The following AHCTF1 variants were observed in gnomAD, a reference collection of about 807,000 sequenced individuals.
AHCTF1 encodes AT-hook containing transcription factor 1, also known as protein ELYS.
AHCTF1 carries 24 observed loss-of-function variants against 248.4 expected under a neutral mutation model. That is an observed-to-expected ratio of 0.10 (90% CI 0.07 to 0.14). The LOEUF is 0.14. Among genes scored for constraint, AHCTF1 ranks in the 10% least tolerant of loss-of-function variants. The pLI, the probability that AHCTF1 is intolerant of heterozygous loss-of-function variation, is 1.00. For synonymous variants in AHCTF1, 786 were observed against 929.8 expected (o/e 0.85, Z 2.81); for missense variants, 2,206 against 2,636.2 (o/e 0.84, Z 3.57).
chr1:246,874,279 C>A (rs1210853411), intron 24 of AHCTF1, among the ~76,000 whole-genome samples: 1 of 152,046 alleles, frequency 6.6e-6, no homozygotes, highest in African/African-American at 2.4e-5. Context: ...AAAGATGACA[C>A]CTAAAGCCAA....
chr1:246,893,236 C>T (rs1480586342), intron 14 of AHCTF1, among the ~76,000 whole-genome samples: 1 of 152,170 alleles, frequency 6.6e-6, no homozygotes, highest in Non-Finnish European at 1.5e-5. Context: ...TTACAGACTT[C>T]AATCACACTG....
intron 15 of AHCTF1, 128 bp downstream of exon 15, chr1:246,891,651 C>A: frequency 1.0e-6 from 1 of 967,316 alleles, no homozygotes; most frequent in Non-Finnish European, 1.5e-6. Flanking sequence ...AAACAAAAAC[C>A]CTAGCACTGG....
chr1:246,930,562 G>A (rs1421680125), intron 1 of AHCTF1, among the ~76,000 whole-genome samples: 1 of 150,174 alleles, frequency 6.7e-6, no homozygotes, highest in African/African-American at 2.5e-5. Context: ...GACTCTATCA[G>A]TGAAAGCTCA....
At position 246,894,729 on chromosome 1, in the gene AHCTF1, A is replaced by C; in HGVS notation, c.1734T>G (p.Thr578=). 1 of 1,613,966 alleles carries C rather than the reference A, an allele frequency of 6.2e-7. No individual in the cohort carries two copies. Among genetic ancestry groups the C allele is most frequent in the South Asian group, 1.1e-5 (1 of 91,074 alleles). Residue 578 remains threonine, a synonymous_variant, in exon 14 of 36, where the codon ACT becomes ACG. Coordinates refer to ENST00000648844, the MANE Select transcript of AHCTF1 (RefSeq NM_001323342.2). ...WITEEQPNSA[T]NLRFVLEWTW... ...TCCATTCAAGAACAAAGCGCAAATT[A>C]GTGGCAGAATTTGGTTGTTCTTATT... is the stretch of plus-strand genomic sequence containing the variant.
chr1:246,860,306 TAA>T (rs1453391849), intron 29 of AHCTF1, among the ~76,000 whole-genome samples: 1 of 152,188 alleles, frequency 6.6e-6, no homozygotes, highest in African/African-American at 2.4e-5. Flanking sequence ...ATTTGTTCTG[TAA>T]AGTTATTTCT....
chr1:246,851,478 T>G, intron 32 of AHCTF1, 36 bp from the exon 33 acceptor site: 1 of 1,537,556 alleles, frequency 6.5e-7, no homozygotes, highest in Non-Finnish European at 8.8e-7. Context: ...GGTTAAAGAA[T>G]TTTAATACAT....
intron 1 of AHCTF1, among the ~76,000 whole-genome samples, chr1:246,921,210 T>C (rs911184309): frequency 2.9e-4 from 44 of 151,874 alleles, no homozygotes; most frequent in African/African-American, 1.0e-3. Context: ...GATGCAAACA[T>C]GACAAAACTA....
intron 29 of AHCTF1, among the ~76,000 whole-genome samples, chr1:246,858,811 AAAAT>A (rs1434908663): frequency 6.6e-6 from 1 of 152,090 alleles, no homozygotes; most frequent in Middle Eastern, 3.2e-3. Context: ...AAAAAAAAAA[AAAAT>A]AAATACAAAT....
At chr1:246,855,160 G>GTTAA (rs988402240) in intron 31 of AHCTF1, among the ~76,000 whole-genome samples, 11 of 152,178 alleles carry the variant, frequency 7.2e-5, no homozygotes, top group Non-Finnish European at 1.3e-4. Context: ...GATTAAATGA[G>GTTAA]TTAATAGACA....
intron 1 of AHCTF1, among the ~76,000 whole-genome samples, chr1:246,924,052 C>T (rs532427201): frequency 6.6e-6 from 1 of 152,302 alleles, no homozygotes; most frequent in African/African-American, 2.4e-5. Flanking sequence ...TTTCTCAGCA[C>T]TCCCCCTCCT....
At chr1:246,882,722 C>T (rs1181920691) in intron 21 of AHCTF1, among the ~76,000 whole-genome samples, 2 of 152,154 alleles carry the variant, frequency 1.3e-5, no homozygotes, top group African/African-American at 4.8e-5. Flanking sequence ...ATGTTAGTAG[C>T]TGAATTATCT....
intron 17 of AHCTF1, among the ~76,000 whole-genome samples, chr1:246,888,835 A>G (rs1664007751): frequency 6.6e-6 from 1 of 152,184 alleles, no homozygotes. Flanking sequence ...GTTGGAGCCC[A>G]GGAGTTTAAA....
chr1:246,895,612 C>G (rs1316132929), intron 13 of AHCTF1, among the ~76,000 whole-genome samples: 1 of 152,066 alleles, frequency 6.6e-6, no homozygotes, highest in East Asian at 1.9e-4. Flanking sequence ...GCTGTAACGG[C>G]AGCATGAGGG....
At position 246,888,262 on chromosome 1, in the gene AHCTF1, T is replaced by G. The variant is rs756596455; in HGVS notation, c.2269-29A>C. ...TAAAACAAAGGGATAAAACCTTCAGTGGATCTTATACAGTCATTCATTCAT... is the reference window on the plus strand; with the variant it reads ...TAAAACAAAGGGATAAAACCTTCAGGGGATCTTATACAGTCATTCATTCAT... On this transcript the variant is annotated intron_variant, in intron 18 of 35. Coordinates refer to ENST00000648844, the MANE Select transcript of AHCTF1 (RefSeq NM_001323342.2). 8 of 1,613,546 alleles carry G rather than the reference T, an allele frequency of 5.0e-6. No homozygotes were observed. The East Asian group carries it at 1.8e-4, about 36-fold the overall frequency.
intron 21 of AHCTF1, among the ~76,000 whole-genome samples, chr1:246,881,276 T>G (rs116442883): frequency 0.017 from 2,607 of 152,314 alleles, 76 homozygotes; most frequent in African/African-American, 0.059. Flanking sequence ...AAAACTCTTA[T>G]GTACCTAATA....
intron 33 of AHCTF1, among the ~76,000 whole-genome samples, chr1:246,845,407 T>C (rs1322212003): frequency 6.6e-6 from 1 of 152,164 alleles, no homozygotes; most frequent in African/African-American, 2.4e-5. Flanking sequence ...ATCAGAAATA[T>C]ATAATCTCTG....
intron 29 of AHCTF1, among the ~76,000 whole-genome samples, chr1:246,858,081 C>T (rs1319307270): frequency 3.9e-5 from 6 of 151,926 alleles, no homozygotes; most frequent in Admixed American, 2.6e-4. Flanking sequence ...TGCCTCCGCC[C>T]CCCGAGTAGC....
At position 246,894,443 on chromosome 1, in the gene AHCTF1, G is replaced by A. The variant is rs186777873; in HGVS notation, c.1804+216C>T. On this transcript the variant is annotated intron_variant, in intron 14 of 35. Transcript: ENST00000648844. ...AAAAAAATTAGCCGAGCGTAGTGGCGGGCAGGAGAATGGCGTTTGAACCCG... is the reference window on the plus strand; with the variant it reads ...AAAAAAATTAGCCGAGCGTAGTGGCAGGCAGGAGAATGGCGTTTGAACCCG... 2.1e-3 allele frequency among the ~76,000 whole-genome samples: 324 copies of A among 152,014 alleles called. 2 individuals carry two copies. Among genetic ancestry groups the A allele is most frequent in the South Asian group, 8.3e-3 (40 of 4,826 alleles).
chr1:246,839,512 C>T lies in AHCTF1; in HGVS notation c.*1294G>A, dbSNP rs74152741. 7,729 of 985,170 alleles carry T rather than the reference C, an allele frequency of 7.8e-3. 389 individuals carry two copies. In the African/African-American group the frequency reaches 0.12, roughly 16 times the overall value. The allele number at this position is 985,170 out of a possible 1,614,324, so 61.0% of individuals were successfully genotyped here. On this transcript the variant is annotated 3_prime_UTR_variant, in exon 36 of 36. Transcript: ENST00000648844. ...GTCAGTGAAATTTTCAACAAGGCAGCGTAACATCCATCACTAACCTGACTA... is the reference window on the plus strand; with the variant it reads ...GTCAGTGAAATTTTCAACAAGGCAGTGTAACATCCATCACTAACCTGACTA...
Sources: gnomAD v4.1 joint callset for allele counts (sites outside exome capture counted in the v4.1 genomes callset) on GRCh38, gnomAD v4.1.1 for gene constraint, MANE v1.5 for transcripts, NCBI Gene and HGNC (gene_info 2026-07-23, HGNC 2026-07-21) for gene names.